WWOX: variants seen among roughly 807,000 people sequenced by gnomAD.
WWOX encodes the protein WW domain containing oxidoreductase.
In WWOX, 69 loss-of-function variants were observed where a neutral mutation model predicts 46.2. The ratio of observed to expected loss-of-function variants is 1.49; its 90% CI spans 1.23 to 1.82. The LOEUF is 1.82. Ranked by LOEUF, WWOX falls within the 40% of genes most tolerant of loss-of-function variation. The pLI is 0.00. For synonymous variants in WWOX, 359 were observed against 202.6 expected (o/e 1.77, Z -6.56); for missense variants, 919 against 542.6 (o/e 1.69, Z -6.89).
intron 8 of WWOX, among the ~76,000 whole-genome samples, chr16:78,486,921 T>C (rs868107131): frequency 8.5e-5 from 13 of 152,156 alleles, no homozygotes; most frequent in Admixed American, 1.3e-4. Context: ...AAGTTGATGA[T>C]CTATTCCTAA....
intron 8 of WWOX, among the ~76,000 whole-genome samples, chr16:79,066,983 T>C (rs902540296): frequency 2.6e-5 from 4 of 152,130 alleles, no homozygotes; most frequent in African/African-American, 7.2e-5. Context: ...ATGAACTATC[T>C]CTGAAAGGGC....
Position 78,346,012 on chromosome 16 carries a change from C to G in WWOX, c.517-40848C>G, listed in dbSNP as rs574469840. On this transcript the variant is annotated intron_variant, in intron 5 of 8. Transcript: ENST00000566780. ...CTCAAAAAGATTTCAAATGCCACTTCTGTGGTGTATGACTCTGAGTCCAGA... is the reference window on the plus strand; with the variant it reads ...CTCAAAAAGATTTCAAATGCCACTTGTGTGGTGTATGACTCTGAGTCCAGA... Among the ~76,000 whole-genome samples, 5 of 121,732 alleles carry G rather than the reference C, an allele frequency of 4.1e-5. 2 individuals carry two copies. The highest frequency in any genetic ancestry group is 2.4e-4 in the South Asian group (1 of 4,082). The allele number at this position is 121,732 out of a possible 152,430, so 79.9% of individuals were successfully genotyped here. A position where few individuals can be genotyped will look rare whatever the true frequency, so the allele number is the denominator to read the frequency against.
intron 8 of WWOX, among the ~76,000 whole-genome samples, chr16:79,160,734 C>G (rs909277904): frequency 6.6e-6 from 1 of 152,050 alleles, no homozygotes; most frequent in Non-Finnish European, 1.5e-5. Context: ...AAAATGGGAA[C>G]AGTAGTAATG....
chr16:78,984,658 T>C (rs2046749524), intron 8 of WWOX, among the ~76,000 whole-genome samples: 1 of 152,236 alleles, frequency 6.6e-6, no homozygotes, highest in Admixed American at 6.5e-5. Flanking sequence ...TGGAACAACA[T>C]ACAAACTGAC....
intron 8 of WWOX, among the ~76,000 whole-genome samples, chr16:78,942,512 T>C (rs1039583557): frequency 6.6e-6 from 1 of 152,154 alleles, no homozygotes; most frequent in African/African-American, 2.4e-5. Context: ...CCCGTAGCTC[T>C]CTGGGCAGTG....
At chr16:78,175,607 T>A (rs1567613188) in intron 5 of WWOX, among the ~76,000 whole-genome samples, 1 of 152,130 alleles carries the variant, frequency 6.6e-6, no homozygotes, top group East Asian at 1.9e-4. Context: ...CCACCAGCCA[T>A]GTATATGATC....
intron 8 of WWOX, among the ~76,000 whole-genome samples, chr16:78,472,621 C>T (rs952747056): frequency 6.6e-6 from 1 of 151,770 alleles, no homozygotes; most frequent in African/African-American, 2.4e-5. Context: ...CCAGCCTGAC[C>T]AACATGTTGA....
intron 8 of WWOX, among the ~76,000 whole-genome samples, chr16:78,522,069 C>T (rs1199326054): frequency 1.3e-5 from 2 of 150,934 alleles, no homozygotes; most frequent in Admixed American, 6.6e-5. Flanking sequence ...AAACCCACGT[C>T]TGTCTACATC....
At chr16:78,813,330 A>G (rs978681294) in intron 8 of WWOX, among the ~76,000 whole-genome samples, 1 of 152,004 alleles carries the variant, frequency 6.6e-6, no homozygotes, top group Non-Finnish European at 1.5e-5. Context: ...TAAAAAAAAC[A>G]CTCAGAAATT....
intron 8 of WWOX, among the ~76,000 whole-genome samples, chr16:78,717,868 A>AG (rs373567945): frequency 2.2e-4 from 33 of 152,234 alleles, no homozygotes; most frequent in African/African-American, 7.9e-4. Flanking sequence ...TTTGGTGATG[A>AG]GGAAGGAGCT....
chr16:78,339,318 C>A, intron 5 of WWOX, among the ~76,000 whole-genome samples: 1 of 110,704 alleles, frequency 9.0e-6, no homozygotes, highest in South Asian at 3.0e-4. Context: ...ACCTATCATT[C>A]AACCTCAAAC....
chr16:79,208,770 C>T (rs1260832444), intron 8 of WWOX, among the ~76,000 whole-genome samples: 1 of 152,104 alleles, frequency 6.6e-6, no homozygotes, highest in Non-Finnish European at 1.5e-5. Flanking sequence ...AAAATGAGAA[C>T]CTGTTACTAA....
chr16:78,825,126 G>C (rs1017217408), intron 8 of WWOX, among the ~76,000 whole-genome samples: 1 of 152,246 alleles, frequency 6.6e-6, no homozygotes, highest in Non-Finnish European at 1.5e-5. Flanking sequence ...GGTCAAGTGA[G>C]TTTCATAAGG....
At chr16:78,994,346 C>T (rs1277516960) in intron 8 of WWOX, 1 of 152,008 alleles carries the variant, frequency 6.6e-6, no homozygotes, top group Admixed American at 6.5e-5. Context: ...TGAAAAAGGA[C>T]GTAATGTGCT....
intron 8 of WWOX, among the ~76,000 whole-genome samples, chr16:78,850,694 G>C (rs1452541454): frequency 6.6e-6 from 1 of 152,102 alleles, no homozygotes; most frequent in Non-Finnish European, 1.5e-5. Context: ...TTGTGTCTCT[G>C]TGCCAGTCAC....
At chr16:79,060,271 A>G (rs772988468) in intron 8 of WWOX, among the ~76,000 whole-genome samples, 39 of 152,202 alleles carry the variant, frequency 2.6e-4, no homozygotes, top group Non-Finnish European at 5.6e-4. Context: ...GAAATTGCAA[A>G]AATACTACAA....
chr16:78,375,762 T>G (rs1253892422), intron 5 of WWOX, among the ~76,000 whole-genome samples: 1 of 152,130 alleles, frequency 6.6e-6, no homozygotes, highest in Non-Finnish European at 1.5e-5. Context: ...ATTGCAGCAT[T>G]GCTTTCAGTG....
chr16:78,990,710 A>G (rs931647724), intron 8 of WWOX, among the ~76,000 whole-genome samples: 5 of 151,528 alleles, frequency 3.3e-5, no homozygotes, highest in Non-Finnish European at 1.5e-5. Context: ...AGGAAGAAGG[A>G]AGGAGGAAGG....
chr16:78,680,873 G>A (rs888749894), intron 8 of WWOX, among the ~76,000 whole-genome samples: 20 of 152,142 alleles, frequency 1.3e-4, no homozygotes, highest in African/African-American at 4.6e-4. Context: ...CACTTTGGGA[G>A]GATGAAGTGG....
Sources: allele counts gnomAD v4.1 joint callset (sites outside exome capture counted in the v4.1 genomes callset), GRCh38; gene constraint gnomAD v4.1.1; transcripts MANE v1.5; gene names NCBI Gene and HGNC (gene_info 2026-07-23, HGNC 2026-07-21).